SMIM35: variants seen among roughly 807,000 people sequenced by gnomAD.
The protein encoded by SMIM35 is TMPRSS4 antisense RNA 1 (non-protein coding).
chr11:118,086,329 C>T (rs1443952749), intron 1 of SMIM35, among the ~76,000 whole-genome samples: 2 of 152,228 alleles, frequency 1.3e-5, no homozygotes, highest in Non-Finnish European at 2.9e-5. Context: ...GCCCTGGAGC[C>T]ATTATGTGCT....
intron 1 of SMIM35, among the ~76,000 whole-genome samples, chr11:118,033,948 C>A (rs2058338425): frequency 6.6e-6 from 1 of 152,124 alleles, no homozygotes; most frequent in Non-Finnish European, 1.5e-5. Context: ...AATAAAAGTA[C>A]CCTAACGCCT....
intron 1 of SMIM35, among the ~76,000 whole-genome samples, chr11:118,071,683 T>A (rs1591311662): frequency 6.6e-6 from 1 of 152,248 alleles, no homozygotes; most frequent in Non-Finnish European, 1.5e-5. Flanking sequence ...TAGGCTCTGC[T>A]GGCTGGAAGG....
At chr11:118,011,393 G>A (rs2058149891) in intron 4 of SMIM35, among the ~76,000 whole-genome samples, 1 of 152,196 alleles carries the variant, frequency 6.6e-6, no homozygotes, top group African/African-American at 2.4e-5. Flanking sequence ...TGCGGGTACA[G>A]AGTTTTATTG....
At chr11:118,084,135 C>G (rs1945362576) in intron 1 of SMIM35, among the ~76,000 whole-genome samples, 3 of 152,146 alleles carry the variant, frequency 2.0e-5, no homozygotes, top group Admixed American at 2.0e-4. Context: ...GGGAGACTTA[C>G]TGCATCTCTC....
intron 1 of SMIM35, among the ~76,000 whole-genome samples, chr11:118,022,032 C>CTTTTTTTTT (rs761119844): frequency 8.3e-6 from 1 of 120,654 alleles, no homozygotes; most frequent in African/African-American, 3.2e-5. Flanking sequence ...AACAATAAGT[C>CTTTTTTTTT]TTTTTTTTTT....
chr11:118,019,131 A>C (rs1393948623), intron 1 of SMIM35, among the ~76,000 whole-genome samples: 1 of 152,192 alleles, frequency 6.6e-6, no homozygotes, highest in East Asian at 1.9e-4. Flanking sequence ...ATGTAGATAT[A>C]GAGATATATA....
At chr11:118,080,170 G>A (rs1945013264) in intron 1 of SMIM35, among the ~76,000 whole-genome samples, 1 of 152,164 alleles carries the variant, frequency 6.6e-6, no homozygotes, top group Admixed American at 6.5e-5. Flanking sequence ...TGGTTACAAG[G>A]TACCCCTGGA....
At chr11:118,010,640 A>G (rs79487727) in intron 4 of SMIM35, among the ~76,000 whole-genome samples, 115 of 152,304 alleles carry the variant, frequency 7.6e-4, no homozygotes, top group Non-Finnish European at 1.5e-3. Flanking sequence ...TCAAGCCCTG[A>G]GCGAAGTCAC....
At chr11:118,065,542 T>C (rs1944460285) in intron 1 of SMIM35, among the ~76,000 whole-genome samples, 1 of 152,170 alleles carries the variant, frequency 6.6e-6, no homozygotes, top group Non-Finnish European at 1.5e-5. Flanking sequence ...CTTTAGCCTC[T>C]GGTCACTTTC....
intron 1 of SMIM35, chr11:118,029,670 C>T (rs548447785): frequency 2.2e-6 from 1 of 457,348 alleles, no homozygotes; most frequent in East Asian, 6.9e-5. Context: ...TCAGTTGGGT[C>T]TAGTTTGCAG....
chr11:118,077,559 C>T (rs888460416), intron 1 of SMIM35, among the ~76,000 whole-genome samples: 1 of 152,222 alleles, frequency 6.6e-6, no homozygotes, highest in Admixed American at 6.5e-5. Context: ...CAGGGCTGTC[C>T]TTCCCGACTA....
chr11:118,042,055 G>GAA (rs796630511), intron 1 of SMIM35, among the ~76,000 whole-genome samples: 34 of 33,552 alleles, frequency 1.0e-3, no homozygotes, highest in African/African-American at 3.3e-3. Flanking sequence ...TGTCACAAAT[G>GAA]AAAAAAAAAA....
At chr11:118,013,456 A>AT in intron 4 of SMIM35, among the ~76,000 whole-genome samples, 1 of 152,188 alleles carries the variant, frequency 6.6e-6, no homozygotes, top group Non-Finnish European at 1.5e-5. Flanking sequence ...AAGAGTTAAG[A>AT]TAAAAAGCTG....
chr11:118,046,366 T>A (rs1249192146), intron 1 of SMIM35, among the ~76,000 whole-genome samples: 1 of 152,148 alleles, frequency 6.6e-6, no homozygotes, highest in African/African-American at 2.4e-5. Flanking sequence ...ATGTGTGATC[T>A]CCTACCAAGC....
At position 118,023,578 on chromosome 11, in the gene SMIM35, C is replaced by T. The variant is rs572563455; in HGVS notation, c.8-7769G>A. On this transcript the variant is annotated intron_variant, in intron 1 of 4. Transcript: ENST00000689828. ...GTAAAAGACCCCATTTTTTAAGACCCAAATTATTTCCAGGGATGAAAACTA... is the reference window on the plus strand; with the variant it reads ...GTAAAAGACCCCATTTTTTAAGACCTAAATTATTTCCAGGGATGAAAACTA... 1.6e-3 allele frequency among the ~76,000 whole-genome samples: 239 copies of T among 148,314 alleles called. 1 individual carries two copies. Among genetic ancestry groups the T allele is most frequent in the Non-Finnish European group, 2.8e-3 (188 of 67,474 alleles).
At chr11:118,046,042 T>G (rs979444588) in intron 1 of SMIM35, among the ~76,000 whole-genome samples, 1 of 152,182 alleles carries the variant, frequency 6.6e-6, no homozygotes, top group Non-Finnish European at 1.5e-5. Context: ...ATGGTAGATA[T>G]TCAATAAGTT....
intron 1 of SMIM35, among the ~76,000 whole-genome samples, chr11:118,026,194 G>A (rs536415136): frequency 1.3e-5 from 2 of 152,306 alleles, no homozygotes; most frequent in South Asian, 2.1e-4. Flanking sequence ...GGTTACTGTA[G>A]CCTTGTAGTA....
intron 1 of SMIM35, among the ~76,000 whole-genome samples, chr11:118,030,040 CT>C (rs112285800): frequency 9.1e-4 from 133 of 146,670 alleles, no homozygotes; most frequent in South Asian, 1.9e-3. Flanking sequence ...GGGGATATAA[CT>C]TTTTTTTTTT....
intron 1 of SMIM35, among the ~76,000 whole-genome samples, chr11:118,022,329 G>A (rs138727468): frequency 9.2e-5 from 14 of 152,256 alleles, no homozygotes; most frequent in Admixed American, 2.0e-4. Flanking sequence ...GATTACAGGC[G>A]TGAGCCACCG....
Sources: gnomAD v4.1 joint callset for allele counts (sites outside exome capture counted in the v4.1 genomes callset) on GRCh38, gnomAD v4.1.1 for gene constraint, MANE v1.5 for transcripts, NCBI Gene and HGNC (gene_info 2026-07-23, HGNC 2026-07-21) for gene names.